Variants in EXD3 observed in about 807,000 individuals in gnomAD.
EXD3 encodes exonuclease 3'-5' domain containing 3, also known as exonuclease mut-7 homolog.
Under a neutral mutation model 98.0 loss-of-function variants are expected in EXD3, and 92 were observed. That is an observed-to-expected ratio of 0.94 (90% confidence interval 0.79 to 1.12). EXD3 has a LOEUF of 1.12. Ranked by LOEUF, EXD3 falls within the 50% of genes most tolerant of loss-of-function variation. The probability of loss-of-function intolerance (pLI) is 0.00; values close to 1 mark genes in which losing one functional copy is unlikely to be tolerated. For synonymous variants in EXD3, 569 were observed against 526.0 expected (o/e 1.08, Z -1.12); for missense variants, 1,222 against 1,191.6 (o/e 1.03, Z -0.38).
At chr9:137,325,933 T>TA (rs1438233211) in intron 17 of EXD3, among the ~76,000 whole-genome samples, 2 of 151,638 alleles carry the variant, frequency 1.3e-5, no homozygotes, top group African/African-American at 4.8e-5. Context: ...CTGCAATAAA[T>TA]AAAAAAACTA....
chr9:137,394,216 C>T (rs1389348552), intron 2 of EXD3, among the ~76,000 whole-genome samples: 10 of 72,320 alleles, frequency 1.4e-4, no homozygotes, highest in East Asian at 9.3e-4. Flanking sequence ...TCCCTAACCC[C>T]GGCCTCCCAG....
intron 7 of EXD3, among the ~76,000 whole-genome samples, chr9:137,356,585 C>T (rs895620448): frequency 6.6e-6 from 1 of 152,114 alleles, no homozygotes; most frequent in African/African-American, 2.4e-5. Context: ...CAGATAACAT[C>T]CTTGGATTGT....
At chr9:137,419,233 T>C (rs1271015341) in intron 1 of EXD3, among the ~76,000 whole-genome samples, 1 of 152,254 alleles carries the variant, frequency 6.6e-6, no homozygotes, top group East Asian at 1.9e-4. Context: ...TGGTATATGT[T>C]ATCAGTCGTG....
intron 1 of EXD3, among the ~76,000 whole-genome samples, chr9:137,413,878 T>C (rs1196225522): frequency 6.6e-6 from 1 of 151,784 alleles, no homozygotes; most frequent in African/African-American, 2.4e-5. Context: ...TTTGGGCATT[T>C]CCTATAAAGG....
chr9:137,357,687 C>G (rs1208741959), intron 7 of EXD3, among the ~76,000 whole-genome samples: 5 of 150,214 alleles, frequency 3.3e-5, no homozygotes, highest in Non-Finnish European at 7.4e-5. Flanking sequence ...TCTAGAGGGA[C>G]AGAACTCATA....
chr9:137,398,643 C>T (rs1382264333), intron 1 of EXD3, among the ~76,000 whole-genome samples: 2 of 148,310 alleles, frequency 1.3e-5, no homozygotes, highest in Middle Eastern at 3.7e-3. Flanking sequence ...CAGGCACCCG[C>T]GTCCCCAAGA....
At chr9:137,340,892 G>T (rs1833616851) in intron 17 of EXD3, among the ~76,000 whole-genome samples, 1 of 152,156 alleles carries the variant, frequency 6.6e-6, no homozygotes, top group African/African-American at 2.4e-5. Flanking sequence ...CACTGAATTG[G>T]TGAGTTGTTT....
rs368039754 is a variant in EXD3 at position 137,420,648 on chromosome 9, G to C, written c.-48+2466C>G. On this transcript the variant is annotated intron_variant, in intron 1 of 21. Transcript: ENST00000340951. ...CCCTGTTTACATAGTTCCCTTAAAA[G>C]GTTCTTGGCCTTGAGGTAAGGAAAG... 3.9e-3 allele frequency among the ~76,000 whole-genome samples: 596 copies of C among 151,890 alleles called. 4 individuals carry two copies. The highest frequency in any genetic ancestry group is 0.013 in the African/African-American group (556 of 41,434).
Position 137,393,087 on chromosome 9 carries a change from G to C in EXD3, c.55+2216C>G, listed in dbSNP as rs1837021765. The C allele has an allele frequency of 1.5e-6, 1 of 687,772 alleles. No individual in the cohort carries two copies. Among genetic ancestry groups the C allele is most frequent in the South Asian group, 1.5e-5 (1 of 66,936 alleles). 42.6% of individuals were successfully genotyped at this position (687,772 alleles called of 1,614,324 possible). ...CCAGGGGGCACCGAGGCTGTTCTCG[G>C]TGGGGGTGCCGTGTCTGTTCCAGGG... is the stretch of plus-strand genomic sequence containing the variant. On this transcript the variant is annotated intron_variant, in intron 2 of 21. Transcript: ENST00000340951. The surrounding 1 kb of genome is among the most constrained non-coding windows in gnomAD (Gnocchi z 4.6).
chr9:137,313,161 G>A (rs1279782905), intron 19 of EXD3, among the ~76,000 whole-genome samples: 1 of 152,152 alleles, frequency 6.6e-6, no homozygotes, highest in African/African-American at 2.4e-5. Flanking sequence ...AAAGAGGAGG[G>A]CGAGACACGA....
chr9:137,353,387 C>T (rs1300031483), intron 10 of EXD3: 1 of 985,300 alleles, frequency 1.0e-6, no homozygotes, highest in Non-Finnish European at 1.2e-6. Flanking sequence ...GCCCAGCCTG[C>T]CCCATCTCCA....
At chr9:137,384,190 G>A (rs553982160) in intron 2 of EXD3, among the ~76,000 whole-genome samples, 3 of 152,336 alleles carry the variant, frequency 2.0e-5, no homozygotes, top group Non-Finnish European at 4.4e-5. Context: ...GACGGGAACA[G>A]GGAAGGCCCC....
chr9:137,339,553 T>C (rs1488122065), intron 17 of EXD3, among the ~76,000 whole-genome samples: 3 of 147,428 alleles, frequency 2.0e-5, no homozygotes, highest in African/African-American at 5.0e-5. Flanking sequence ...TTAAGAAGGG[T>C]AATATGCGGG....
chr9:137,409,260 C>T (rs954885949), intron 1 of EXD3, among the ~76,000 whole-genome samples: 9 of 152,234 alleles, frequency 5.9e-5, no homozygotes, highest in African/African-American at 2.2e-4. Context: ...CGCCTCAGGA[C>T]CCTTCGGAGT....
intron 17 of EXD3, among the ~76,000 whole-genome samples, chr9:137,339,979 C>A (rs1023695118): frequency 6.6e-6 from 1 of 152,134 alleles, no homozygotes; most frequent in Non-Finnish European, 1.5e-5. Context: ...ACGAACAGAA[C>A]CCCAAATAAT....
rs536385778 is a variant in EXD3, at chr9:137,354,090, G to A, written c.870+249C>T. The A allele has an allele frequency of 1.9e-4, 240 of 1,252,574 alleles. No homozygotes were observed. The African/African-American group carries it at 3.4e-3, about 18-fold the overall frequency. The allele number at this position is 1,252,574 out of a possible 1,614,324, so 77.6% of individuals were successfully genotyped here. ...TCCGCTGGGTTGGTTCGGGTGGCACGGACGCTGCCGTCTGCCTGGAACGAG... is the reference window on the plus strand; with the variant it reads ...TCCGCTGGGTTGGTTCGGGTGGCACAGACGCTGCCGTCTGCCTGGAACGAG... On this transcript the variant is annotated intron_variant, in intron 10 of 21. Transcript: ENST00000340951.
At position 137,367,592 on chromosome 9, in the gene EXD3, G is replaced by A. The variant is rs562408147; in HGVS notation, c.516+344C>T. ...CCCCAGCCCACTGCACGGTGGAGGC[G>A]TGCAGCAGAGGAGGGTCCCAGAAGC... On this transcript the variant is annotated intron_variant, in intron 6 of 21. Coordinates refer to ENST00000340951, the MANE Select transcript of EXD3 (RefSeq NM_017820.5). 4.1e-5 allele frequency: 11 copies of A among 266,814 alleles called. No homozygotes were observed. In the South Asian group the frequency reaches 4.3e-4, roughly 10 times the overall value. The allele number at this position is 266,814 out of a possible 1,614,324, so 16.5% of individuals were successfully genotyped here.
intron 6 of EXD3, 32 bp from the exon 7 acceptor site, chr9:137,366,664 TC>T: frequency 6.5e-7 from 1 of 1,538,014 alleles, no homozygotes; most frequent in South Asian, 1.2e-5. Flanking sequence ...GGCCACAGCC[TC>T]CGCCACCTCA....
At position 137,351,329 on chromosome 9, in the gene EXD3, A is replaced by T; in HGVS notation, c.1373T>A (p.Ile458Asn). The change falls in exon 13 of 22, where the codon ATC (isoleucine) becomes AAC (asparagine). Residue 458 changes from isoleucine to asparagine, a missense_variant. By Grantham distance (149) the Ile-to-Asn change is moderately radical (BLOSUM62 -3). Coordinates refer to ENST00000340951, the MANE Select transcript of EXD3 (RefSeq NM_017820.5). ...LVAQLLSDPS[I>N]TKLGYGMVGD... Reference sequence around the variant, plus strand: ...AGGGCTTCACTCACCCAGCTTGGTGATAGAGGGGTCCGAGAGGAGCTGGGC... The same window carrying T: ...AGGGCTTCACTCACCCAGCTTGGTGTTAGAGGGGTCCGAGAGGAGCTGGGC... 2 of 1,611,524 alleles carry T rather than the reference A, an allele frequency of 1.2e-6. No individual in the cohort carries two copies. Among genetic ancestry groups the T allele is most frequent in the Non-Finnish European group, 1.7e-6 (2 of 1,179,480 alleles).
Sources: allele counts gnomAD v4.1 joint callset (sites outside exome capture counted in the v4.1 genomes callset), GRCh38; gene constraint gnomAD v4.1.1; non-coding constraint Gnocchi (gnomAD v3.1); transcripts MANE v1.5; gene names NCBI Gene and HGNC (gene_info 2026-07-23, HGNC 2026-07-21).